LY75: variants seen among roughly 807,000 people sequenced by gnomAD.
LY75 encodes the protein C-type lectin domain family 13 member B.
In LY75, 185 loss-of-function variants were observed where a neutral mutation model predicts 231.7. The ratio of observed to expected loss-of-function variants is 0.80; its 90% CI spans 0.71 to 0.90. The LOEUF (loss-of-function observed/expected upper bound fraction) is 0.90, where lower values mean the gene tolerates loss of function less well. Ranked by LOEUF, LY75 falls within the 40% of genes least tolerant of loss-of-function variation. The probability of loss-of-function intolerance (pLI) is 0.00; values close to 1 mark genes in which losing one functional copy is unlikely to be tolerated. For synonymous variants in LY75, 668 were observed against 689.0 expected (o/e 0.97, Z 0.48); for missense variants, 1,947 against 2,050.2 (o/e 0.95, Z 0.97).
At chr2:159,840,085 C>T (rs1344252569) in intron 25 of LY75, among the ~76,000 whole-genome samples, 1 of 150,228 alleles carries the variant, frequency 6.7e-6, no homozygotes, top group Non-Finnish European at 1.5e-5. Context: ...TTCCACACAA[C>T]TGATTTTTAA....
chr2:159,841,140 G>A (rs1032587761), intron 24 of LY75, among the ~76,000 whole-genome samples, 185 bp from the exon 25 acceptor site: 6 of 152,110 alleles, frequency 3.9e-5, no homozygotes, highest in Non-Finnish European at 7.4e-5. Context: ...TGTGTGAGCT[G>A]CAACATTTGT....
intron 34 of LY75, among the ~76,000 whole-genome samples, chr2:159,805,949 T>C (rs542857770): frequency 1.3e-5 from 2 of 152,290 alleles, no homozygotes; most frequent in South Asian, 4.1e-4. Context: ...TACCTTTCAG[T>C]TCTTCCCTGA....
intron 14 of LY75, among the ~76,000 whole-genome samples, chr2:159,862,833 T>A (rs1684754855): frequency 6.6e-6 from 1 of 152,152 alleles, no homozygotes. Context: ...CATCTACTTT[T>A]AGCATTTTTC....
At position 159,872,479 on chromosome 2, in the gene LY75, A is replaced by ATT. The variant is rs760150519; in HGVS notation, c.2087_2088dup (p.Phe697AsnfsTer6). The stretch of plus-strand genomic sequence containing the variant: ...AACTGGTCCGTTAAAAAGTGAAGAA[A>ATT]TTCCTTTATTTCATCCACATGGCTG... On this transcript the variant is annotated frameshift_variant, in exon 13 of 35. Transcript: ENST00000263636. LOFTEE classifies it high-confidence loss of function. The ATT allele has an allele frequency of 6.8e-6, 11 of 1,613,880 alleles. No homozygotes were observed. Among genetic ancestry groups the ATT allele is most frequent in the Non-Finnish European group, 9.3e-6 (11 of 1,179,876 alleles).
At chr2:159,845,748 T>TCAGA (rs950410015) in intron 23 of LY75, among the ~76,000 whole-genome samples, 3 of 150,368 alleles carry the variant, frequency 2.0e-5, no homozygotes, top group African/African-American at 7.3e-5. Flanking sequence ...GAATCCAGAT[T>TCAGA]CAGAACCCAT....
chr2:159,853,735 G>A (rs746989920), intron 18 of LY75, 38 bp from the exon 19 acceptor site: 5 of 1,611,600 alleles, frequency 3.1e-6, no homozygotes, highest in Non-Finnish European at 4.2e-6. Flanking sequence ...TATATGTGCT[G>A]AGCTTTCTTG....
At chr2:159,854,303 TA>T (rs1684483689) in intron 18 of LY75, 56 bp downstream of exon 18, 1 of 1,223,438 alleles carries the variant, frequency 8.2e-7, no homozygotes, top group Non-Finnish European at 1.0e-6. Flanking sequence ...GTAATATTTT[TA>T]AATGGAATAA....
intron 6 of LY75, 148 bp downstream of exon 6, chr2:159,885,005 A>G: frequency 1.9e-6 from 2 of 1,068,972 alleles, no homozygotes; most frequent in Non-Finnish European, 2.6e-6. Context: ...ATATCTAACC[A>G]CAGGGTTAAA....
chr2:159,901,578 A>G (rs1686080957), intron 1 of LY75, among the ~76,000 whole-genome samples: 1 of 152,220 alleles, frequency 6.6e-6, no homozygotes, highest in Admixed American at 6.5e-5. Context: ...TTTTTGTAGA[A>G]TCCAATGGAT....
Position 159,873,682 on chromosome 2 carries a change from A to T in LY75, c.1975-1089T>A, listed in dbSNP as rs145349824. On this transcript the variant is annotated intron_variant, in intron 12 of 34. Coordinates refer to ENST00000263636, the MANE Select transcript of LY75 (RefSeq NM_002349.4). The stretch of plus-strand genomic sequence containing the variant: ...GTTTGTTTATGGAACTAGCTGACTG[A>T]TGCAGACCAAATATATATATAAATA... 9.1e-5 allele frequency among the ~76,000 whole-genome samples: 13 copies of T among 143,592 alleles called. No individual in the cohort carries two copies. In the East Asian group the frequency reaches 3.0e-3, roughly 33 times the overall value. 94.2% of individuals were successfully genotyped at this position (143,592 alleles called of 152,430 possible). A position where few individuals can be genotyped will look rare whatever the true frequency, so the allele number is the denominator to read the frequency against.
At chr2:159,851,847 A>AG (rs1168361561) in intron 21 of LY75, among the ~76,000 whole-genome samples, 1 of 152,292 alleles carries the variant, frequency 6.6e-6, no homozygotes. Context: ...GCTCTCCTTG[A>AG]GGGGAAAAAG....
intron 3 of LY75, among the ~76,000 whole-genome samples, chr2:159,891,706 G>A (rs191089520): frequency 1.3e-5 from 2 of 152,282 alleles, no homozygotes; most frequent in East Asian, 3.9e-4. Context: ...TGTCAAGGCA[G>A]CAAGGTACAG....
chr2:159,827,824 A>G (rs1020204329), intron 28 of LY75, among the ~76,000 whole-genome samples: 6 of 152,198 alleles, frequency 3.9e-5, no homozygotes, highest in African/African-American at 1.4e-4. Context: ...GGATGAAGCT[A>G]GAAACCATCA....
At chr2:159,895,212 T>A (rs1685877832) in intron 2 of LY75, among the ~76,000 whole-genome samples, 1 of 152,216 alleles carries the variant, frequency 6.6e-6, no homozygotes. Flanking sequence ...CAAAAGGTAA[T>A]AATAATCTGG....
chr2:159,893,110 A>G (rs759320897), intron 3 of LY75, among the ~76,000 whole-genome samples: 1 of 152,228 alleles, frequency 6.6e-6, no homozygotes, highest in Non-Finnish European at 1.5e-5. Context: ...CACATCACCA[A>G]ACTGAAACAG....
intron 23 of LY75, among the ~76,000 whole-genome samples, chr2:159,845,473 A>G (rs930181575): frequency 5.9e-5 from 9 of 151,874 alleles, no homozygotes; most frequent in Admixed American, 4.6e-4. Flanking sequence ...TAACATATCA[A>G]TACAGTCAGC....
rs1210918720 is a variant in LY75, at chr2:159,890,269, T to C, written c.746A>G (p.Asn249Ser). The C allele has an allele frequency of 6.2e-7, 1 of 1,613,566 alleles. No homozygotes were observed. The highest frequency in any genetic ancestry group is 8.5e-7 in the Non-Finnish European group (1 of 1,179,686). The change falls in exon 4 of 35, where the codon AAT becomes AGT. Residue 249 changes from asparagine to serine, a missense_variant. Physicochemically the swap from Asn to Ser is conservative, Grantham distance 46 (BLOSUM62 1). Transcript: ENST00000263636. The stretch of plus-strand genomic sequence containing the variant: ...GATGCTCAGTAAATCAGCTCCTTGA[T>C]TCTGACATGAAACATAAGCTTCTTT... The part of the protein sequence containing the change: ...SWKEAYVSCQ[N>S]QGADLLSINS...
rs191860967 is a variant in LY75, at chr2:159,818,658, A to C, written c.4153+1068T>G. On this transcript the variant is annotated intron_variant, in intron 29 of 34. Transcript: ENST00000263636. The stretch of plus-strand genomic sequence containing the variant: ...AATAATGGATAAATATTGGTTTATT[A>C]GTTGTGACAAATGTACCATACTAAA... 1.5e-4 allele frequency among the ~76,000 whole-genome samples: 23 copies of C among 152,356 alleles called. No individual in the cohort carries two copies. The East Asian group carries it at 3.9e-3, about 26-fold the overall frequency.
intron 5 of LY75, 61 bp from the exon 6 acceptor site, chr2:159,885,354 G>T: frequency 6.5e-7 from 1 of 1,549,842 alleles, no homozygotes; most frequent in South Asian, 1.2e-5. Flanking sequence ...GATGGTGTCA[G>T]AAAGAATAAT....
Sources: allele counts gnomAD v4.1 joint callset (sites outside exome capture counted in the v4.1 genomes callset), GRCh38; gene constraint gnomAD v4.1.1; transcripts MANE v1.5; gene names NCBI Gene and HGNC (gene_info 2026-07-23, HGNC 2026-07-21).